The following TTC39A variants were observed in gnomAD, a reference collection of about 807,000 sequenced individuals.
The protein encoded by TTC39A is tetratricopeptide repeat protein 39A.
Under a neutral mutation model 82.3 loss-of-function variants are expected in TTC39A, and 46 were observed. The observed-to-expected ratio is 0.56, with a 90% CI of 0.44 to 0.71. TTC39A has a LOEUF of 0.71. TTC39A is among the 30% of genes least tolerant of loss of function. TTC39A has a pLI of 0.00. For synonymous variants in TTC39A, 254 were observed against 275.2 expected (o/e 0.92, Z 0.76); for missense variants, 543 against 712.9 (o/e 0.76, Z 2.71).
At position 51,343,856 on chromosome 1, in the gene TTC39A, G is replaced by A. The variant is rs74080556; in HGVS notation, c.53+1135C>T. On this transcript the variant is annotated intron_variant, in intron 1 of 5. Transcript: ENST00000401051. ...GCTGCTCTCAAACTCCTGGGCTCAA[G>A]CGATCCTCCCGCTGGGATTACAGGC... 5.6e-3 allele frequency among the ~76,000 whole-genome samples: 856 copies of A among 152,312 alleles called. 6 individuals carry two copies. The highest frequency in any genetic ancestry group is 0.02 in the African/African-American group (819 of 41,562).
At chr1:51,303,443 C>T (rs992075882) in intron 8 of TTC39A, among the ~76,000 whole-genome samples, 3 of 152,230 alleles carry the variant, frequency 2.0e-5, no homozygotes, top group African/African-American at 7.2e-5. Flanking sequence ...ACCTTCTCCA[C>T]AGCCCCTTCC....
upstream of TTC39A, among the ~76,000 whole-genome samples, chr1:51,334,139 G>C (rs377599457): frequency 6.7e-6 from 1 of 148,548 alleles, no homozygotes; most frequent in Non-Finnish European, 1.5e-5. Flanking sequence ...CAGGTGGATT[G>C]CATGAGCCCA....
intron 1 of TTC39A, among the ~76,000 whole-genome samples, chr1:51,340,938 G>A (rs747904396): frequency 3.9e-5 from 6 of 152,176 alleles, no homozygotes; most frequent in Non-Finnish European, 8.8e-5. Flanking sequence ...TTGGGAGGCC[G>A]AGGCTGATGG....
rs1206736633 is a variant in TTC39A at position 51,305,963 on chromosome 1, G to A, written c.588+14C>T. ...TCAAGCCAGGTGCTGTGGAAATGGAGGAGGAGCACTCACCAGGTTGAAGGC... is the reference window on the plus strand; with the variant it reads ...TCAAGCCAGGTGCTGTGGAAATGGAAGAGGAGCACTCACCAGGTTGAAGGC... On this transcript the variant is annotated intron_variant, in intron 7 of 17. Transcript: ENST00000680483. The A allele has an allele frequency of 1.9e-6, 3 of 1,613,014 alleles. No homozygotes were observed. The highest frequency in any genetic ancestry group is 2.5e-6 in the Non-Finnish European group (3 of 1,178,998).
chr1:51,291,628 CAAAAAAAAAAA>C (rs58825279), intron 14 of TTC39A, among the ~76,000 whole-genome samples: 5 of 49,952 alleles, frequency 1.0e-4, no homozygotes, highest in Admixed American at 2.5e-4. Flanking sequence ...CCATCTCCAC[CAAAAAAAAAAA>C]AAAAAAAAAA....
In TTC39A at chr1:51,290,596, G is replaced by A. The variant is rs779511232; in HGVS notation, c.1296C>T (p.Ala432=). Residue 432 remains alanine (A), a synonymous_variant, in exon 15 of 18, where the codon GCC becomes GCT. Transcript: ENST00000680483. ...LEMMYIWNGY[A]VIGKQPKLTD... ...TGAGTTTCGGCTGCTTCCCAATCAC[G>A]GCGTAGCCGTTCCAGATGTACATCA... 1.6e-4 allele frequency: 265 copies of A among 1,613,752 alleles called. No homozygotes were observed. The highest frequency in any genetic ancestry group is 2.2e-4 in the Non-Finnish European group (254 of 1,179,816).
chr1:51,302,620 C>T, intron 9 of TTC39A, 47 bp from the exon 10 acceptor site: 3 of 1,561,536 alleles, frequency 1.9e-6, no homozygotes, highest in East Asian at 2.4e-5. Context: ...CCACCCCTGG[C>T]TCCTGTGATC....
intron 15 of TTC39A, 79 bp downstream of exon 15, chr1:51,290,435 G>T: frequency 7.8e-7 from 1 of 1,282,176 alleles, no homozygotes. Context: ...AAAGGAGGAA[G>T]GACATTTTTG....
upstream of TTC39A, among the ~76,000 whole-genome samples, chr1:51,333,785 T>C (rs138456277): frequency 6.8e-3 from 1,032 of 152,326 alleles, 11 homozygotes; most frequent in Middle Eastern, 0.037. Flanking sequence ...GGCTAGGGCC[T>C]GGTCCAGTTC....
intron 12 of TTC39A, chr1:51,300,915 A>G (rs183717080): frequency 3.3e-5 from 5 of 152,358 alleles, no homozygotes; most frequent in African/African-American, 1.2e-4. Flanking sequence ...CAAGGGGAGG[A>G]TATGAGTAGA....
intron 16 of TTC39A, among the ~76,000 whole-genome samples, chr1:51,289,414 G>A (rs566346823): frequency 5.9e-4 from 90 of 151,998 alleles, no homozygotes; most frequent in African/African-American, 2.1e-3. Flanking sequence ...TTCTCTCTAT[G>A]ACTTCACCCA....
At chr1:51,331,682 T>C (rs1645913867), upstream of TTC39A, 1 of 985,088 alleles carries the variant, frequency 1.0e-6, no homozygotes, top group Non-Finnish European at 1.2e-6. Context: ...TCCTGCCCAT[T>C]TGTGAGCAGG....
chr1:51,338,536 AAGG>A (rs1318108042), intron 1 of TTC39A, among the ~76,000 whole-genome samples: 1 of 151,600 alleles, frequency 6.6e-6, no homozygotes, highest in African/African-American at 2.4e-5. Flanking sequence ...GTGGCAAGCA[AAGG>A]AGGAGAGAAG....
intron 5 of TTC39A, among the ~76,000 whole-genome samples, chr1:51,310,625 G>C (rs547884927): frequency 1.3e-5 from 2 of 152,170 alleles, no homozygotes; most frequent in South Asian, 2.1e-4. Context: ...TATAACCCAG[G>C]CTTTCAGGCA....
intron 6 of TTC39A, among the ~76,000 whole-genome samples, chr1:51,306,860 C>G (rs1047907061): frequency 9.2e-6 from 1 of 109,092 alleles, no homozygotes; most frequent in Non-Finnish European, 1.8e-5. Context: ...CAGACCCCCC[C>G]CCCCCGCCCC....
intron 2 of TTC39A, among the ~76,000 whole-genome samples, chr1:51,317,177 G>A (rs1487029050): frequency 6.6e-6 from 1 of 152,196 alleles, no homozygotes; most frequent in Non-Finnish European, 1.5e-5. Context: ...CCCACTGCAT[G>A]GGACCAGGAC....
intron 1 of TTC39A, among the ~76,000 whole-genome samples, chr1:51,343,686 G>T (rs923328532): frequency 6.6e-6 from 1 of 152,190 alleles, no homozygotes. Context: ...TACAGTGCTG[G>T]CCCAGCACAC....
At chr1:51,306,972 T>C (rs1644894906) in intron 6 of TTC39A, among the ~76,000 whole-genome samples, 1 of 151,114 alleles carries the variant, frequency 6.6e-6, no homozygotes, top group African/African-American at 2.4e-5. Context: ...GAGGTGACAT[T>C]TGAGCTGAAA....
intron 6 of TTC39A, 25 bp downstream of exon 6, chr1:51,309,236 C>A (rs1644988526): frequency 1.3e-6 from 2 of 1,589,438 alleles, no homozygotes; most frequent in Non-Finnish European, 1.7e-6. Flanking sequence ...GGTCTCCCCA[C>A]AAGCGGATGG....
Sources: gnomAD v4.1 joint callset for allele counts (sites outside exome capture counted in the v4.1 genomes callset) on GRCh38, gnomAD v4.1.1 for gene constraint, MANE v1.5 for transcripts, NCBI Gene and HGNC (gene_info 2026-07-23, HGNC 2026-07-21) for gene names.